STRN: variants seen among roughly 807,000 people sequenced by gnomAD.
The protein encoded by STRN is striatin.
Under a neutral mutation model 96.3 loss-of-function variants are expected in STRN, and 53 were observed. That is an observed-to-expected ratio of 0.55 (90% CI 0.44 to 0.69). STRN has a LOEUF of 0.69. STRN is among the 30% of genes least tolerant of loss of function. The probability of loss-of-function intolerance (pLI) is 0.00; values close to 1 mark genes in which losing one functional copy is unlikely to be tolerated. For synonymous variants in STRN, 428 were observed against 355.9 expected (o/e 1.20, Z -2.28); for missense variants, 987 against 963.9 (o/e 1.02, Z -0.32).
At chr2:36,856,438 A>G (rs1668343917) in intron 14 of STRN, among the ~76,000 whole-genome samples, 1 of 152,238 alleles carries the variant, frequency 6.6e-6, no homozygotes, top group African/African-American at 2.4e-5. Flanking sequence ...TTATGGCTTA[A>G]TGAAATACTA....
intron 9 of STRN, among the ~76,000 whole-genome samples, chr2:36,883,438 T>A (rs534615432): frequency 1.3e-5 from 2 of 151,936 alleles, no homozygotes; most frequent in African/African-American, 2.4e-5. Flanking sequence ...GCCTGGGCGA[T>A]AGAGCGAGAC....
intron 6 of STRN, 108 bp downstream of exon 6, chr2:36,899,415 A>C (rs1328021007): frequency 7.3e-6 from 8 of 1,097,304 alleles, no homozygotes; most frequent in Non-Finnish European, 9.6e-6. Flanking sequence ...ATTCATGAAA[A>C]AGAAAAAGCT....
chr2:36,964,098 G>C (rs1282316646), intron 1 of STRN, among the ~76,000 whole-genome samples: 1 of 149,416 alleles, frequency 6.7e-6, no homozygotes, highest in Admixed American at 6.7e-5. Context: ...GGGGTGTTTG[G>C]AGATGTGTGC....
chr2:36,934,384 T>G (rs1670650306), intron 1 of STRN, among the ~76,000 whole-genome samples: 1 of 152,208 alleles, frequency 6.6e-6, no homozygotes, highest in Non-Finnish European at 1.5e-5. Flanking sequence ...TTACTCTCAA[T>G]GGAAATATAA....
At chr2:36,873,442 C>T (rs918936692) in intron 10 of STRN, among the ~76,000 whole-genome samples, 2 of 152,096 alleles carry the variant, frequency 1.3e-5, no homozygotes, top group Non-Finnish European at 2.9e-5. Context: ...CATCTGTAGT[C>T]CCAGGTACTC....
intron 16 of STRN, 89 bp from the exon 17 acceptor site, chr2:36,849,889 C>A: frequency 7.9e-7 from 1 of 1,264,308 alleles, no homozygotes; most frequent in South Asian, 1.2e-5. Context: ...TTTCTCCAGT[C>A]ATCCCTCTCT....
chr2:36,946,379 T>A (rs550870002), intron 1 of STRN, among the ~76,000 whole-genome samples: 16 of 152,090 alleles, frequency 1.1e-4, no homozygotes, highest in African/African-American at 3.9e-4. Flanking sequence ...AGTTAAGAGA[T>A]AAAATGGAAA....
intron 1 of STRN, among the ~76,000 whole-genome samples, chr2:36,958,051 C>A (rs1292354109): frequency 6.6e-6 from 1 of 151,348 alleles, no homozygotes; most frequent in East Asian, 1.9e-4. Flanking sequence ...TCCTGAGAAA[C>A]TGGGATTACA....
rs762068497 is a variant in STRN, at chr2:36,899,540, C to T, written c.778G>A (p.Val260Ile). 2.5e-5 allele frequency: 40 copies of T among 1,611,804 alleles called. 1 individual carries two copies. Among genetic ancestry groups the T allele is most frequent in the South Asian group, 7.7e-5 (7 of 90,670 alleles). Residue 260 changes from valine (V) to isoleucine (I), a missense_variant, in exon 6 of 18, where the codon GTC becomes ATC. Val to Ile is a conservative substitution (Grantham distance 29). Coordinates refer to ENST00000263918, the MANE Select transcript of STRN (RefSeq NM_003162.4). ...DDDVDGREKS[V>I]IDTSTIVRKK... ...TAACTCACTGTTGAAGTATCAATGA[C>T]GCTTTTCTCTCTTCCATCAACATCA...
At chr2:36,872,233 C>T (rs958052098) in intron 10 of STRN, among the ~76,000 whole-genome samples, 1 of 152,210 alleles carries the variant, frequency 6.6e-6, no homozygotes, top group Admixed American at 6.5e-5. Flanking sequence ...GGTATTCTTG[C>T]TCTCTCTCTT....
At chr2:36,923,625 A>C (rs900465233) in intron 2 of STRN, among the ~76,000 whole-genome samples, 2 of 152,216 alleles carry the variant, frequency 1.3e-5, no homozygotes, top group Non-Finnish European at 2.9e-5. Flanking sequence ...AAGATTCTAC[A>C]TGATGATGAA....
intron 1 of STRN, among the ~76,000 whole-genome samples, chr2:36,962,928 T>C (rs1457436655): frequency 6.6e-6 from 1 of 152,240 alleles, no homozygotes; most frequent in Admixed American, 6.5e-5. Flanking sequence ...TCTAGCACAA[T>C]GCCTCACATA....
intron 3 of STRN, among the ~76,000 whole-genome samples, chr2:36,907,443 G>A (rs1443780858): frequency 1.3e-5 from 2 of 152,072 alleles, no homozygotes; most frequent in Non-Finnish European, 1.5e-5. Context: ...AGCTACTCAG[G>A]AGGCTGAGGC....
intron 13 of STRN, among the ~76,000 whole-genome samples, chr2:36,858,497 T>C (rs777291099): frequency 1.3e-5 from 2 of 152,208 alleles, no homozygotes; most frequent in East Asian, 1.9e-4. Context: ...CCTGAAAATA[T>C]GGCATTCATA....
At chr2:36,851,141 A>G in intron 15 of STRN, 34 bp from the exon 16 acceptor site, 1 of 1,531,524 alleles carries the variant, frequency 6.5e-7, no homozygotes, top group Non-Finnish European at 9.0e-7. Flanking sequence ...AACACAACTT[A>G]GTCAAAGATA....
chr2:36,951,786 G>A (rs1343805595), intron 1 of STRN, among the ~76,000 whole-genome samples: 1 of 152,170 alleles, frequency 6.6e-6, no homozygotes, highest in East Asian at 1.9e-4. Context: ...TATGAGATAG[G>A]ACGGGTTCTC....
intron 1 of STRN, among the ~76,000 whole-genome samples, chr2:36,929,035 A>G (rs182681793): frequency 8.5e-5 from 13 of 152,230 alleles, no homozygotes; most frequent in African/African-American, 2.2e-4. Flanking sequence ...ACTAAACCTA[A>G]TAACAGCATA....
intron 12 of STRN, among the ~76,000 whole-genome samples, chr2:36,865,165 T>C (rs1400142754): frequency 6.6e-6 from 1 of 152,282 alleles, no homozygotes; most frequent in African/African-American, 2.4e-5. Context: ...GAACTCATTA[T>C]TGGTCTGTTC....
At chr2:36,964,220 A>G (rs1431306022) in intron 1 of STRN, among the ~76,000 whole-genome samples, 1 of 147,684 alleles carries the variant, frequency 6.8e-6, no homozygotes, top group African/African-American at 2.6e-5. Flanking sequence ...CCCAACTTCT[A>G]CAGGTAGAAA....
Sources: allele counts gnomAD v4.1 joint callset (sites outside exome capture counted in the v4.1 genomes callset), GRCh38; gene constraint gnomAD v4.1.1; transcripts MANE v1.5; gene names NCBI Gene and HGNC (gene_info 2026-07-23, HGNC 2026-07-21).